KIAA1549L: variants seen among roughly 807,000 people sequenced by gnomAD.
The protein encoded by KIAA1549L is UPF0606 protein KIAA1549L.
In KIAA1549L, 88 loss-of-function variants were observed where a neutral mutation model predicts 160.7. The ratio of observed to expected loss-of-function variants is 0.55; its 90% CI spans 0.46 to 0.65. The LOEUF (loss-of-function observed/expected upper bound fraction) is 0.65. Among genes scored for constraint, KIAA1549L ranks in the 30% least tolerant of loss-of-function variants. The pLI, the probability that KIAA1549L is intolerant of heterozygous loss-of-function variation, is 0.00. For synonymous variants in KIAA1549L, 950 were observed against 976.7 expected, an observed-to-expected ratio of 0.97 and a Z score of 0.51; for missense variants, 2,258 against 2,437.5, an observed-to-expected ratio of 0.93 and a Z score of 1.55.
At chr11:33,408,122 T>C (rs1850705240) in intron 1 of KIAA1549L, among the ~76,000 whole-genome samples, 1 of 152,324 alleles carries the variant, frequency 6.6e-6, no homozygotes, top group South Asian at 2.1e-4. Flanking sequence ...CAATCAATTC[T>C]ACTCTTCTGA....
rs1321797294 is a variant in KIAA1549L, at chr11:33,530,427, AAAAAAAAAAATATATAT to A, written c.239-11373_239-11357del. Among the ~76,000 whole-genome samples, 74 of 44,106 alleles carry A rather than the reference AAAAAAAAAAATATATAT, an allele frequency of 1.7e-3. 4 individuals are homozygous for A. Among genetic ancestry groups the A allele is most frequent in the African/African-American group, 3.1e-3 (46 of 14,640 alleles). 28.9% of individuals were successfully genotyped at this position (44,106 alleles called of 152,430 possible). On this transcript the variant is annotated intron_variant, in intron 1 of 20. Transcript: ENST00000658780. Reference sequence around the variant, plus strand: ...AAGAAGAAGAAGGAAAAAAAAAAAAAAAAAAAAAAATATATATATATATATATATATATATATATATA... The same window carrying A: ...AAGAAGAAGAAGGAAAAAAAAAAAAAATATATATATATATATATATATATA...
chr11:33,669,720 C>A lies in KIAA1549L; in HGVS notation c.*1566C>A, dbSNP rs1852608322. The A allele has an allele frequency of 6.6e-6, 1 of 152,214 alleles. No individual in the cohort carries two copies. The highest frequency in any genetic ancestry group is 6.5e-5 in the Admixed American group (1 of 15,288). The allele number at this position is 152,214 out of a possible 1,614,324, so 9.4% of individuals were successfully genotyped here. ...AACTGATTAGAAGGGGAGGTTCAAA[C>A]TGTCAATGCACAGACTTTTCAAAGA... On this transcript the variant is annotated 3_prime_UTR_variant, in exon 21 of 21. Coordinates refer to ENST00000658780, the MANE Select transcript of KIAA1549L (RefSeq NM_012194.3).
At chr11:33,406,694 C>T (rs1390054344) in intron 1 of KIAA1549L, among the ~76,000 whole-genome samples, 1 of 152,234 alleles carries the variant, frequency 6.6e-6, no homozygotes, top group Non-Finnish European at 1.5e-5. Context: ...CCTCCGCTGC[C>T]TCAAAGGGAT....
chr11:33,630,468 G>C (rs1409639612), intron 16 of KIAA1549L, among the ~76,000 whole-genome samples: 1 of 152,276 alleles, frequency 6.6e-6, no homozygotes, highest in Non-Finnish European at 1.5e-5. Flanking sequence ...CCAGGTGCGG[G>C]ATATAATCTC....
intron 1 of KIAA1549L, among the ~76,000 whole-genome samples, chr11:33,467,393 C>A (rs1168035678): frequency 6.6e-6 from 1 of 152,142 alleles, no homozygotes; most frequent in Non-Finnish European, 1.5e-5. Context: ...AGATTTCTAT[C>A]AAAAAAGCAC....
intron 12 of KIAA1549L, among the ~76,000 whole-genome samples, chr11:33,592,363 T>C (rs1850081301): frequency 6.6e-6 from 1 of 151,998 alleles, no homozygotes; most frequent in Non-Finnish European, 1.5e-5. Context: ...ATGGGAGAGG[T>C]TAGTTTAGAG....
At chr11:33,440,538 C>A (rs1304791649) in intron 1 of KIAA1549L, among the ~76,000 whole-genome samples, 2 of 152,158 alleles carry the variant, frequency 1.3e-5, no homozygotes, top group African/African-American at 2.4e-5. Flanking sequence ...TAATTAATAT[C>A]TTTTCCCTCA....
intron 1 of KIAA1549L, among the ~76,000 whole-genome samples, chr11:33,462,784 T>A (rs1851967831): frequency 6.6e-6 from 1 of 152,084 alleles, no homozygotes; most frequent in African/African-American, 2.4e-5. Flanking sequence ...TTTTTTTTTT[T>A]ATTTTAACAT....
intron 1 of KIAA1549L, among the ~76,000 whole-genome samples, chr11:33,425,713 G>C (rs796311829): frequency 7.2e-5 from 11 of 152,244 alleles, no homozygotes; most frequent in African/African-American, 2.4e-4. Context: ...ATTTCACTTT[G>C]CATCACACGT....
chr11:33,624,944 T>C (rs1485017959), intron 16 of KIAA1549L, among the ~76,000 whole-genome samples: 1 of 131,766 alleles, frequency 7.6e-6, no homozygotes, highest in Non-Finnish European at 1.6e-5. Context: ...GAGTGTGATG[T>C]TCCCCTTTCT....
chr11:33,514,247 C>T (rs1474428660), intron 1 of KIAA1549L, among the ~76,000 whole-genome samples: 1 of 152,196 alleles, frequency 6.6e-6, no homozygotes, highest in Non-Finnish European at 1.5e-5. Context: ...GAAGAATAAA[C>T]TCAACAAAAC....
chr11:33,406,919 G>C (rs1053632370), intron 1 of KIAA1549L, among the ~76,000 whole-genome samples: 1 of 152,078 alleles, frequency 6.6e-6, no homozygotes, highest in Non-Finnish European at 1.5e-5. Context: ...TGCTGCTGGA[G>C]GTGTAATGTT....
chr11:33,411,450 G>C (rs1490683535), intron 1 of KIAA1549L, among the ~76,000 whole-genome samples: 1 of 152,166 alleles, frequency 6.6e-6, no homozygotes, highest in East Asian at 1.9e-4. Flanking sequence ...CATCCAGATT[G>C]CATACCTCTC....
chr11:33,541,538 A>G (rs987445200), intron 1 of KIAA1549L, among the ~76,000 whole-genome samples: 9 of 152,190 alleles, frequency 5.9e-5, no homozygotes, highest in Non-Finnish European at 1.2e-4. Flanking sequence ...TACCAAAACA[A>G]TTTTTTAATA....
chr11:33,609,176 C>T (rs1850582939), intron 14 of KIAA1549L, among the ~76,000 whole-genome samples: 1 of 152,260 alleles, frequency 6.6e-6, no homozygotes, highest in Non-Finnish European at 1.5e-5. Context: ...TTCAAAATTA[C>T]ATATCTCTCA....
chr11:33,499,042 C>G (rs1283832690), intron 1 of KIAA1549L, among the ~76,000 whole-genome samples: 1 of 151,780 alleles, frequency 6.6e-6, no homozygotes, highest in Non-Finnish European at 1.5e-5. Context: ...GCCTTTTGTG[C>G]TCAGTTTTTT....
chr11:33,404,505 C>A (rs570500160), intron 1 of KIAA1549L, among the ~76,000 whole-genome samples: 1 of 151,940 alleles, frequency 6.6e-6, no homozygotes. Flanking sequence ...CCAGCCTGGG[C>A]GACAGAGCGA....
intron 16 of KIAA1549L, among the ~76,000 whole-genome samples, chr11:33,626,456 T>C (rs1217205712): frequency 6.7e-6 from 1 of 150,212 alleles, no homozygotes; most frequent in Non-Finnish European, 1.5e-5. Flanking sequence ...TTTGTAGTTC[T>C]CCTTGAAGAG....
intron 10 of KIAA1549L, among the ~76,000 whole-genome samples, chr11:33,579,955 TAG>T (rs1855579570): frequency 6.6e-6 from 1 of 152,172 alleles, no homozygotes. Context: ...GGACTTTGAA[TAG>T]AGAGTCACAG....
Sources: allele counts gnomAD v4.1 joint callset (sites outside exome capture counted in the v4.1 genomes callset), GRCh38; gene constraint gnomAD v4.1.1; transcripts MANE v1.5; gene names NCBI Gene and HGNC (gene_info 2026-07-23, HGNC 2026-07-21).